The following FRMD3 variants were observed in gnomAD, a reference collection of about 807,000 sequenced individuals.
FRMD3 encodes FERM domain containing 3.
FRMD3 carries 33 observed loss-of-function variants against 70.2 expected under a neutral mutation model. The ratio of observed to expected loss-of-function variants is 0.47; its 90% confidence interval spans 0.36 to 0.63. The LOEUF (loss-of-function observed/expected upper bound fraction) is 0.63. Among genes scored for constraint, FRMD3 ranks in the 20% least tolerant of loss-of-function variants. The probability of loss-of-function intolerance (pLI) is 0.00; values close to 1 mark genes in which losing one functional copy is unlikely to be tolerated. For missense variants in FRMD3, 632 were observed against 711.4 expected (o/e 0.89, Z 1.27); for synonymous variants, 279 against 255.9 (o/e 1.09, Z -0.86).
At chr9:83,264,112 C>G in intron 13 of FRMD3, among the ~76,000 whole-genome samples, 1 of 152,202 alleles carries the variant, frequency 6.6e-6, no homozygotes, top group East Asian at 1.9e-4. Context: ...AATCAGTGAG[C>G]ACATCCAGAC....
At chr9:83,464,649 C>G (rs1410815783) in intron 1 of FRMD3, among the ~76,000 whole-genome samples, 1 of 152,226 alleles carries the variant, frequency 6.6e-6, no homozygotes, top group African/African-American at 2.4e-5. Flanking sequence ...TGGTGGACAC[C>G]TCGTTCCTGG....
intron 13 of FRMD3, among the ~76,000 whole-genome samples, chr9:83,251,283 G>T (rs1189868522): frequency 1.3e-5 from 2 of 152,108 alleles, no homozygotes; most frequent in African/African-American, 4.8e-5. Flanking sequence ...GAGTAGAGTG[G>T]CCTGACTGTT....
chr9:83,499,244 A>G (rs930506042), intron 1 of FRMD3, among the ~76,000 whole-genome samples: 1 of 152,206 alleles, frequency 6.6e-6, no homozygotes, highest in African/African-American at 2.4e-5. Context: ...AGGGCAGATC[A>G]GCTGCAATCT....
intron 1 of FRMD3, among the ~76,000 whole-genome samples, chr9:83,523,414 T>C (rs1270093685): frequency 6.6e-6 from 1 of 152,226 alleles, no homozygotes; most frequent in African/African-American, 2.4e-5. Flanking sequence ...TCTCTATCTC[T>C]CTCTGCATTT....
chr9:83,275,905 T>C (rs933861735), intron 13 of FRMD3: 3 of 152,224 alleles, frequency 2.0e-5, no homozygotes, highest in Non-Finnish European at 4.4e-5. Flanking sequence ...GAAACATGCA[T>C]GAGGAATTCT....
In FRMD3 at chr9:83,248,388, TG is replaced by T; in HGVS notation, c.1323del (p.Ile442SerfsTer4). On this transcript the variant is annotated frameshift_variant, in exon 14 of 14. Coordinates refer to ENST00000304195, the MANE Select transcript of FRMD3 (RefSeq NM_174938.6). LOFTEE classifies it high-confidence loss of function. ...CTTGGGTTGTACACTAGTTCAGAGA[TG>T]GTTAAAGGTTCTTCTTTTATTTTAT... ...EEDKIKEEPL[T>X]ISELVYNPSA... 6.2e-7 allele frequency: 1 copy of T among 1,614,120 alleles called. No individual in the cohort carries two copies. The highest frequency in any genetic ancestry group is 8.5e-7 in the Non-Finnish European group (1 of 1,180,008).
intron 1 of FRMD3, among the ~76,000 whole-genome samples, chr9:83,515,328 G>A (rs867742403): frequency 2.4e-4 from 37 of 152,190 alleles, no homozygotes; most frequent in African/African-American, 6.7e-4. Flanking sequence ...AAGCATACAC[G>A]AGAATCAATA....
At chr9:83,244,474 T>A (rs1433138936), downstream of FRMD3, 1 of 159,396 alleles carries the variant, frequency 6.3e-6, no homozygotes, top group Admixed American at 6.6e-5. Flanking sequence ...AAAGGGTTAA[T>A]CTAATCTATT....
chr9:83,388,870 A>AT (rs1825585426), intron 2 of FRMD3, among the ~76,000 whole-genome samples: 1 of 151,520 alleles, frequency 6.6e-6, no homozygotes, highest in South Asian at 2.1e-4. Flanking sequence ...AGTTTCAAAC[A>AT]TGTTCATCCC....
chr9:83,267,377 A>G, intron 13 of FRMD3: 4 of 1,245,192 alleles, frequency 3.2e-6, no homozygotes, highest in Non-Finnish European at 4.2e-6. Flanking sequence ...AAGATTATGC[A>G]TCATCCCTAC....
intron 13 of FRMD3, among the ~76,000 whole-genome samples, chr9:83,277,202 TG>T (rs1346636102): frequency 6.6e-6 from 1 of 152,192 alleles, no homozygotes; most frequent in Non-Finnish European, 1.5e-5. Context: ...TCATGTGAAA[TG>T]AAAAAGCAGA....
intron 1 of FRMD3, among the ~76,000 whole-genome samples, chr9:83,511,447 A>C (rs894350981): frequency 6.6e-6 from 1 of 152,132 alleles, no homozygotes; most frequent in African/African-American, 2.4e-5. Context: ...AAATGGATCA[A>C]ACGAAGTGCT....
intron 1 of FRMD3, among the ~76,000 whole-genome samples, chr9:83,420,013 T>C (rs1356147977): frequency 6.6e-6 from 1 of 152,184 alleles, no homozygotes; most frequent in Admixed American, 6.5e-5. Context: ...GATTCCTCAG[T>C]AGCCTAAGAT....
At chr9:83,264,238 C>A (rs892207861) in intron 13 of FRMD3, among the ~76,000 whole-genome samples, 3 of 152,068 alleles carry the variant, frequency 2.0e-5, no homozygotes, top group Non-Finnish European at 4.4e-5. Flanking sequence ...ATGATTCCAA[C>A]TAATTGACAT....
the FRMD3 span, among the ~76,000 whole-genome samples, chr9:83,549,783 C>G: frequency 6.6e-6 from 1 of 152,010 alleles, no homozygotes; most frequent in Admixed American, 6.5e-5. Context: ...CTTTTGCCCA[C>G]TTTTTAATAG....
intron 1 of FRMD3, among the ~76,000 whole-genome samples, chr9:83,444,029 C>A (rs1827384511): frequency 6.6e-6 from 1 of 152,130 alleles, no homozygotes; most frequent in Non-Finnish European, 1.5e-5. Flanking sequence ...TTTTTGCTTC[C>A]TTTTTAACAT....
chr9:83,543,927 G>T, the FRMD3 span, among the ~76,000 whole-genome samples: 1 of 152,256 alleles, frequency 6.6e-6, no homozygotes, highest in South Asian at 2.1e-4. Context: ...CCGCATAGCT[G>T]CTGCCGCCAG....
chr9:83,495,391 G>T (rs764819956), intron 1 of FRMD3, among the ~76,000 whole-genome samples: 5 of 152,204 alleles, frequency 3.3e-5, no homozygotes, highest in Non-Finnish European at 5.9e-5. Flanking sequence ...GACAGAGCCA[G>T]ACTGGAGCAG....
the FRMD3 span, among the ~76,000 whole-genome samples, chr9:83,548,822 G>A: frequency 6.6e-6 from 1 of 152,046 alleles, no homozygotes; most frequent in Admixed American, 6.5e-5. Context: ...CTGAGGAAAC[G>A]GGTAGGCTAT....
Sources: gnomAD v4.1 joint callset for allele counts (sites outside exome capture counted in the v4.1 genomes callset) on GRCh38, gnomAD v4.1.1 for gene constraint, MANE v1.5 for transcripts, NCBI Gene and HGNC (gene_info 2026-07-23, HGNC 2026-07-21) for gene names.